CHD7: variants seen among roughly 807,000 people sequenced by gnomAD.
CHD7 encodes the protein ATP-dependent chromatin remodeler CHD7.
Under a neutral mutation model 307.3 loss-of-function variants are expected in CHD7, and 24 were observed. That is an observed-to-expected ratio of 0.08 (90% CI 0.06 to 0.11). The LOEUF (loss-of-function observed/expected upper bound fraction) is 0.11, where lower values mean the gene tolerates loss of function less well. Ranked by LOEUF, CHD7 falls within the 10% of genes least tolerant of loss-of-function variation. The probability of loss-of-function intolerance (pLI) is 1.00; values close to 1 mark genes in which losing one functional copy is unlikely to be tolerated. For missense variants in CHD7, 3,106 were observed against 3,727.1 expected (o/e 0.83, Z 4.34); for synonymous variants, 1,363 against 1,349.9 (o/e 1.01, Z -0.21).
At chr8:60,787,811 A>G (rs1484714773) in intron 3 of CHD7, among the ~76,000 whole-genome samples, 1 of 149,744 alleles carries the variant, frequency 6.7e-6, no homozygotes, top group African/African-American at 2.5e-5. Flanking sequence ...AAAACTCGGT[A>G]ACTTGTAGAT....
chr8:60,843,628 G>T (rs138390143), intron 21 of CHD7, among the ~76,000 whole-genome samples: 43 of 152,338 alleles, frequency 2.8e-4, no homozygotes, highest in Middle Eastern at 3.4e-3. Flanking sequence ...CTGTGACAGG[G>T]AAGCACTCTG....
chr8:60,853,014 G>A lies in CHD7; in HGVS notation c.6289G>A (p.Asp2097Asn). 6.2e-7 allele frequency: 1 copy of A among 1,614,010 alleles called. No individual in the cohort carries two copies. Among genetic ancestry groups the A allele is most frequent in the African/African-American group, 1.3e-5 (1 of 75,056 alleles). Residue 2097 changes from aspartate (D) to asparagine (N), a missense_variant, in exon 31 of 38, where the codon GAC becomes AAC. By Grantham distance (23) the Asp-to-Asn change is conservative (BLOSUM62 1). Around this residue, in one of 10 missense-constraint regions of CHD7, gnomAD observed 1,030 missense variants for 1,165.4 expected, o/e 0.88. Coordinates refer to ENST00000423902, the MANE Select transcript of CHD7 (RefSeq NM_017780.4). ...LPEWWECGRH[D>N]RDLLVGAAKH... ...AGAGTGGTGGGAGTGTGGACGGCATGACCGAGACTTGCTGGTTGGTGCTGC... is the reference window on the plus strand; with the variant it reads ...AGAGTGGTGGGAGTGTGGACGGCATAACCGAGACTTGCTGGTTGGTGCTGC...
intron 31 of CHD7, among the ~76,000 whole-genome samples, chr8:60,854,156 T>C (rs1805603917): frequency 6.6e-6 from 1 of 152,222 alleles, no homozygotes; most frequent in African/African-American, 2.4e-5. Flanking sequence ...AGCCTCTGTG[T>C]CATCATCTGC....
At chr8:60,822,831 A>G in intron 12 of CHD7, 85 bp downstream of exon 12, 1 of 1,347,960 alleles carries the variant, frequency 7.4e-7, no homozygotes, top group Non-Finnish European at 9.8e-7. Flanking sequence ...GTGACTTGGG[A>G]AGGTCTAAAT....
At chr8:60,739,247 ACTTT>A (rs1808869956) in intron 1 of CHD7, among the ~76,000 whole-genome samples, 2 of 152,192 alleles carry the variant, frequency 1.3e-5, no homozygotes, top group Non-Finnish European at 2.9e-5. Flanking sequence ...TGTAGACGTT[ACTTT>A]CCTTAAGCTA....
At chr8:60,840,218 G>T (rs953782067) in intron 19 of CHD7, among the ~76,000 whole-genome samples, 2 of 152,180 alleles carry the variant, frequency 1.3e-5, no homozygotes, top group African/African-American at 4.8e-5. Flanking sequence ...TGTCCTAGCC[G>T]CTCCAATCTG....
intron 1 of CHD7, among the ~76,000 whole-genome samples, chr8:60,694,995 AGGTG>A (rs1309794755): frequency 1.3e-5 from 2 of 152,142 alleles, no homozygotes; most frequent in African/African-American, 4.8e-5. Context: ...CCCAACCAGG[AGGTG>A]GTAGAGCTTT....
At chr8:60,849,421 A>T (rs1805354045) in intron 25 of CHD7, among the ~76,000 whole-genome samples, 1 of 152,208 alleles carries the variant, frequency 6.6e-6, no homozygotes, top group South Asian at 2.1e-4. Context: ...ATAATAGCCA[A>T]GTTGTACTAT....
chr8:60,718,164 G>T (rs1807708880), intron 1 of CHD7, among the ~76,000 whole-genome samples: 1 of 149,750 alleles, frequency 6.7e-6, no homozygotes, highest in African/African-American at 2.5e-5. Context: ...TAATGTGTAT[G>T]TCTGTCTTAG....
intron 8 of CHD7, among the ~76,000 whole-genome samples, chr8:60,818,462 T>G (rs1327856956): frequency 6.6e-6 from 1 of 152,218 alleles, no homozygotes; most frequent in Non-Finnish European, 1.5e-5. Context: ...AACCTAGTTT[T>G]GGGAAAGTTT....
chr8:60,765,022 C>G (rs1304338536), intron 2 of CHD7, among the ~76,000 whole-genome samples: 1 of 152,208 alleles, frequency 6.6e-6, no homozygotes, highest in Non-Finnish European at 1.5e-5. Flanking sequence ...GGTGTAAATG[C>G]ACGAGGCAGC....
At chr8:60,838,441 T>A (rs1427374358) in intron 19 of CHD7, among the ~76,000 whole-genome samples, 186 bp downstream of exon 19, 1 of 152,234 alleles carries the variant, frequency 6.6e-6, no homozygotes, top group Admixed American at 6.5e-5. Flanking sequence ...TACCTGCCAC[T>A]GGTATTTGCC....
intron 2 of CHD7, among the ~76,000 whole-genome samples, chr8:60,748,814 A>G (rs1021976884): frequency 9.9e-5 from 15 of 152,150 alleles, no homozygotes; most frequent in African/African-American, 3.6e-4. Flanking sequence ...ATACATTTGT[A>G]CCTTTTTCAT....
At chr8:60,827,163 G>A (rs1804287811) in intron 13 of CHD7, among the ~76,000 whole-genome samples, 1 of 152,002 alleles carries the variant, frequency 6.6e-6, no homozygotes, top group Admixed American at 6.5e-5. Flanking sequence ...ACGAGTTAGT[G>A]GGTGCAGCGC....
chr8:60,749,603 TA>T (rs34506970), intron 2 of CHD7, among the ~76,000 whole-genome samples: 1 of 151,044 alleles, frequency 6.6e-6, no homozygotes, highest in African/African-American at 2.4e-5. Context: ...AAAATGTCTC[TA>T]AAAAAAAATC....
At chr8:60,745,396 C>G (rs1213602939) in intron 2 of CHD7, among the ~76,000 whole-genome samples, 1 of 152,076 alleles carries the variant, frequency 6.6e-6, no homozygotes, top group Non-Finnish European at 1.5e-5. Flanking sequence ...GTACAGATGC[C>G]TCAGTGGGCA....
At chr8:60,800,639 C>A in intron 5 of CHD7, 114 bp downstream of exon 5, 1 of 1,052,418 alleles carries the variant, frequency 9.5e-7, no homozygotes, top group Non-Finnish European at 1.4e-6. Context: ...GGGGAACATC[C>A]ACCTAATGTT....
At chr8:60,830,700 G>T in intron 15 of CHD7, 123 bp downstream of exon 15, 3 of 1,080,698 alleles carry the variant, frequency 2.8e-6, no homozygotes, top group Non-Finnish European at 3.9e-6. Context: ...ACTCAGCATG[G>T]GTTTCACCAG....
At chr8:60,745,892 A>G (rs1463118046) in intron 2 of CHD7, among the ~76,000 whole-genome samples, 1 of 152,216 alleles carries the variant, frequency 6.6e-6, no homozygotes, top group Non-Finnish European at 1.5e-5. Context: ...AGTGGGCTTA[A>G]CATATACCGA....
Sources: gnomAD v4.1 joint callset for allele counts (sites outside exome capture counted in the v4.1 genomes callset) on GRCh38, gnomAD v4.1.1 for gene constraint, gnomAD v4.1.1 regional missense constraint, MANE v1.5 for transcripts, NCBI Gene and HGNC (gene_info 2026-07-23, HGNC 2026-07-21) for gene names.